The following MESD variants were observed in gnomAD, a reference collection of about 807,000 sequenced individuals.
MESD encodes LRP chaperone MESD.
Under a neutral mutation model 12.9 loss-of-function variants are expected in MESD, and 7 were observed. The ratio of observed to expected loss-of-function variants is 0.54; its 90% CI spans 0.31 to 1.02. MESD has a LOEUF of 1.02. MESD is among the 50% of genes least tolerant of loss of function. The pLI is 0.05. For synonymous variants in MESD, 126 were observed against 115.6 expected, an observed-to-expected ratio of 1.09 and a Z score of -0.58; for missense variants, 342 against 296.7, an observed-to-expected ratio of 1.15 and a Z score of -1.12.
chr15:80,954,170 C>CAGCT (rs1176832802), intron 3 of MESD, among the ~76,000 whole-genome samples: 1 of 152,212 alleles, frequency 6.6e-6, no homozygotes, highest in Non-Finnish European at 1.5e-5. Flanking sequence ...CCATGCCTGG[C>CAGCT]AGCTTTCTCC....
At chr15:80,983,758 G>GCT (rs1596237886) in intron 1 of MESD, among the ~76,000 whole-genome samples, 2 of 152,068 alleles carry the variant, frequency 1.3e-5, no homozygotes, top group East Asian at 3.9e-4. Context: ...ACTTGAAGCA[G>GCT]CTCTCATGGG....
chr15:80,980,108 G>A (rs934562591), intron 2 of MESD, among the ~76,000 whole-genome samples: 1 of 152,190 alleles, frequency 6.6e-6, no homozygotes, highest in Non-Finnish European at 1.5e-5. Context: ...CTGTTCCTTA[G>A]GGACTACACC....
chr15:80,971,217 G>A (rs1320444511), downstream of MESD, among the ~76,000 whole-genome samples: 2 of 152,196 alleles, frequency 1.3e-5, no homozygotes, highest in Non-Finnish European at 2.9e-5. Flanking sequence ...TCAGCTCCAA[G>A]CCCTGGCCTC....
intron 4 of MESD, chr15:80,949,057 G>T (rs1226170290): frequency 2.4e-6 from 3 of 1,228,894 alleles, no homozygotes; most frequent in African/African-American, 3.0e-5. Context: ...AGCCCTGATG[G>T]GCCAAGGGAA....
chr15:80,954,538 C>T (rs1260937511), intron 3 of MESD, among the ~76,000 whole-genome samples: 1 of 152,162 alleles, frequency 6.6e-6, no homozygotes, highest in Admixed American at 6.5e-5. Flanking sequence ...AGTCCACAGG[C>T]ACCTGGCAGT....
At chr15:80,973,538 A>G (rs1422991221), downstream of MESD, among the ~76,000 whole-genome samples, 2 of 151,978 alleles carry the variant, frequency 1.3e-5, no homozygotes, top group Non-Finnish European at 2.9e-5. Flanking sequence ...CTGTCTCAAA[A>G]AAAATAAATA....
chr15:80,964,422 A>G (rs1444091354), intron 3 of MESD, among the ~76,000 whole-genome samples: 1 of 152,216 alleles, frequency 6.6e-6, no homozygotes, highest in Non-Finnish European at 1.5e-5. Flanking sequence ...TGCTATCCCC[A>G]TCAAACTACC....
At position 80,978,807 on chromosome 15, in the gene MESD, A is replaced by C. The variant is rs1209741639; in HGVS notation, c.*412T>G. ...ATGATGTATATGGCATGAAGAGTTT[A>C]CTCAATTAAGTCAAGAGTTTTAAAG... is the stretch of plus-strand genomic sequence containing the variant. On this transcript the variant is annotated 3_prime_UTR_variant, in exon 3 of 3. Transcript: ENST00000261758. The C allele has an allele frequency of 5.8e-6, 1 of 172,234 alleles. No individual in the cohort carries two copies. Among genetic ancestry groups the C allele is most frequent in the Non-Finnish European group, 1.2e-5 (1 of 81,552 alleles). The allele number at this position is 172,234 out of a possible 1,614,324, so 10.7% of individuals were successfully genotyped here.
In MESD at chr15:80,978,267, C is replaced by A. The variant is rs1350581786; in HGVS notation, c.*952G>T. 6.6e-6 allele frequency: 1 copy of A among 152,104 alleles called. No homozygotes were observed. The highest frequency in any genetic ancestry group is 1.5e-5 in the Non-Finnish European group (1 of 68,022). 9.4% of individuals were successfully genotyped at this position (152,104 alleles called of 1,614,324 possible). A position where few individuals can be genotyped will look rare whatever the true frequency, so the allele number is the denominator to read the frequency against. On this transcript the variant is annotated 3_prime_UTR_variant, in exon 3 of 3. Transcript: ENST00000261758. ...GGGTTTTTCCCAAAGAATTTTAGTTCTTAGAAATGACATCTGTATATAAAT... is the reference window on the plus strand; with the variant it reads ...GGGTTTTTCCCAAAGAATTTTAGTTATTAGAAATGACATCTGTATATAAAT...
At chr15:80,986,362 A>G (rs1201868941) in intron 1 of MESD, among the ~76,000 whole-genome samples, 1 of 152,188 alleles carries the variant, frequency 6.6e-6, no homozygotes, top group Non-Finnish European at 1.5e-5. Flanking sequence ...TAGGATGACT[A>G]TAGTTAACAA....
At chr15:80,949,026 T>C in intron 4 of MESD, 1 of 1,512,002 alleles carries the variant, frequency 6.6e-7, no homozygotes, top group South Asian at 1.1e-5. Context: ...TGCCAGCAGC[T>C]GCCTGGGAAG....
rs1173030043 is a variant in MESD at position 80,989,700 on chromosome 15, G to A, written c.92C>T (p.Ser31Phe). The A allele has an allele frequency of 3.7e-6, 6 of 1,611,690 alleles. 1 individual carries two copies. Among genetic ancestry groups the A allele is most frequent in the Non-Finnish European group, 3.4e-6 (4 of 1,180,012 alleles). The change falls in exon 1 of 3, where the codon TCC (serine) becomes TTC (phenylalanine). Residue 31 changes from serine to phenylalanine, a missense_variant. Transcript: ENST00000261758. ...CCCGGGCGAGCCTTCGGCCGCGCAG[G>A]ACCCAGGCGGTGGTAGCAGTAGCAG... ...LLLLLLPPPG[S>F]CAAEGSPGTP...
At chr15:80,947,689 G>A (rs1213795127) in exon 5 of MESD, 1 of 153,920 alleles carries the variant, frequency 6.5e-6, no homozygotes, top group Non-Finnish European at 1.4e-5. Flanking sequence ...CTGTATGGGC[G>A]GCAGAGAAGC....
chr15:80,979,934 G>A (rs1305648245), intron 2 of MESD, among the ~76,000 whole-genome samples: 3 of 152,202 alleles, frequency 2.0e-5, no homozygotes, highest in African/African-American at 7.2e-5. Flanking sequence ...ATGATAAGAG[G>A]CTATGAAGGA....
chr15:80,983,509 G>A (rs979719763), intron 1 of MESD, among the ~76,000 whole-genome samples: 3 of 152,166 alleles, frequency 2.0e-5, no homozygotes, highest in Non-Finnish European at 4.4e-5. Context: ...CATGAAAGGG[G>A]GAAGAATGAG....
At chr15:80,966,517 C>T (rs1214258031) in intron 3 of MESD, among the ~76,000 whole-genome samples, 1 of 152,140 alleles carries the variant, frequency 6.6e-6, no homozygotes, top group Non-Finnish European at 1.5e-5. Context: ...CTCAACGGGC[C>T]CAGTGCTCCC....
intron 1 of MESD, among the ~76,000 whole-genome samples, chr15:80,983,480 C>T (rs1185263745): frequency 6.6e-6 from 1 of 152,108 alleles, no homozygotes; most frequent in Non-Finnish European, 1.5e-5. Flanking sequence ...TTCTTAACTT[C>T]TGGGAAGTAA....
chr15:80,951,915 C>T (rs1567117519), intron 4 of MESD: 1 of 241,470 alleles, frequency 4.1e-6, no homozygotes, highest in Non-Finnish European at 8.3e-6. Flanking sequence ...TGCCTTACTT[C>T]CATGGCCTTA....
intron 1 of MESD, among the ~76,000 whole-genome samples, chr15:80,987,403 C>G (rs1902762004): frequency 6.6e-6 from 1 of 152,180 alleles, no homozygotes; most frequent in African/African-American, 2.4e-5. Flanking sequence ...GCATGGCACC[C>G]TGCAAAGTAG....
Sources: gnomAD v4.1 joint callset for allele counts (sites outside exome capture counted in the v4.1 genomes callset) on GRCh38, gnomAD v4.1.1 for gene constraint, MANE v1.5 for transcripts, NCBI Gene and HGNC (gene_info 2026-07-23, HGNC 2026-07-21) for gene names.